The following CYFIP1 variants were observed in gnomAD, a reference collection of about 807,000 sequenced individuals.
CYFIP1 encodes the protein cytoplasmic FMR1 interacting protein 1.
In CYFIP1, 58 loss-of-function variants were observed where a neutral mutation model predicts 163.5. That is an observed-to-expected ratio of 0.35 (90% CI 0.29 to 0.44). CYFIP1 has a LOEUF of 0.44. Among genes scored for constraint, CYFIP1 ranks in the 20% least tolerant of loss-of-function variants. The probability of loss-of-function intolerance (pLI) is 1.00; values close to 1 mark genes in which losing one functional copy is unlikely to be tolerated. For missense variants in CYFIP1, 1,338 were observed against 1,653.8 expected, an observed-to-expected ratio of 0.81 and a Z score of 3.31; for synonymous variants, 663 against 660.7, an observed-to-expected ratio of 1.00 and a Z score of -0.05.
chr15:22,917,101 G>T lies in CYFIP1; in HGVS notation c.1675-471C>A. The T allele has an allele frequency of 6.8e-7, 1 of 1,461,808 alleles. No homozygotes were observed. 90.6% of individuals were successfully genotyped at this position (1,461,808 alleles called of 1,614,324 possible). A position where few individuals can be genotyped will look rare whatever the true frequency, so the allele number is the denominator to read the frequency against. On this transcript the variant is annotated intron_variant, in intron 15 of 30. Coordinates refer to ENST00000617928, the MANE Select transcript of CYFIP1 (RefSeq NM_014608.6). This position sits in a 1 kb window ranked among gnomAD's most constrained non-coding sequence, Gnocchi z 4.2. Reference sequence around the variant, plus strand: ...CACTCGACACACACACCCCAGGCAGGGACACGGGACGCACGCAGAGGGAGG... The same window carrying T: ...CACTCGACACACACACCCCAGGCAGTGACACGGGACGCACGCAGAGGGAGG...
intron 20 of CYFIP1, 131 bp downstream of exon 20, chr15:22,910,389 T>A (rs2142058421): frequency 1.5e-6 from 1 of 683,794 alleles, no homozygotes; most frequent in Non-Finnish European, 2.5e-6. Flanking sequence ...CTTGAACTCC[T>A]AACCTCAGGT....
At position 22,869,682 on chromosome 15, in the gene CYFIP1, C is replaced by T. The variant is rs1162954192; in HGVS notation, c.*346G>A. The T allele has an allele frequency of 1.7e-5, 3 of 174,720 alleles. No individual in the cohort carries two copies. The highest frequency in any genetic ancestry group is 1.9e-4 in the South Asian group (1 of 5,340). The allele number at this position is 174,720 out of a possible 1,614,324, so 10.8% of individuals were successfully genotyped here. ...AATAGTTACAGTTAATGGTAACTGG[C>T]AAGGGATTTAATGCATTTGCTGGTA... is the stretch of plus-strand genomic sequence containing the variant. On this transcript the variant is annotated 3_prime_UTR_variant, in exon 31 of 31. Transcript: ENST00000617928.
intron 24 of CYFIP1, 54 bp downstream of exon 24, chr15:22,882,814 G>C (rs2059804859): frequency 2.5e-6 from 4 of 1,577,958 alleles, no homozygotes; most frequent in Non-Finnish European, 2.6e-6. Flanking sequence ...CTCTGGCATG[G>C]GTGCCCCAGG....
At chr15:22,886,749 T>C (rs1476627720) in intron 23 of CYFIP1, among the ~76,000 whole-genome samples, 1 of 152,178 alleles carries the variant, frequency 6.6e-6, no homozygotes, top group Non-Finnish European at 1.5e-5. Context: ...AAAACGTATA[T>C]ATTCTGCTGT....
At chr15:22,950,736 G>A (rs1364310919) in intron 1 of CYFIP1, among the ~76,000 whole-genome samples, 4 of 152,214 alleles carry the variant, frequency 2.6e-5, no homozygotes, top group Non-Finnish European at 5.9e-5. Context: ...CAAGCTGTAT[G>A]TGCGACCCGC....
rs539605936 is a variant in CYFIP1 at position 22,937,604 on chromosome 15, GT to G, written c.796-397del. 4.4e-4 allele frequency among the ~76,000 whole-genome samples: 62 copies of G among 140,482 alleles called. No individual in the cohort carries two copies. The South Asian group carries it at 5.2e-3, about 12-fold the overall frequency. The allele number at this position is 140,482 out of a possible 152,430, so 92.2% of individuals were successfully genotyped here. ...TATGCAAACTAAAAATTCTTTTTTT[GT>G]TTTTTTTTTTTGAGATGGAGTCTGG... On this transcript the variant is annotated intron_variant, in intron 8 of 30. Transcript: ENST00000617928.
intron 1 of CYFIP1, among the ~76,000 whole-genome samples, chr15:22,955,693 C>T (rs929733385): frequency 2.0e-5 from 3 of 152,142 alleles, no homozygotes; most frequent in African/African-American, 7.2e-5. Flanking sequence ...GGTCTTTAAC[C>T]CATCTAGATG....
chr15:22,903,152 T>C (rs1045126435), intron 22 of CYFIP1, among the ~76,000 whole-genome samples: 7 of 152,116 alleles, frequency 4.6e-5, no homozygotes, highest in African/African-American at 1.7e-4. Context: ...GAAGGCATGG[T>C]GGGTGACACA....
intron 1 of CYFIP1, among the ~76,000 whole-genome samples, chr15:22,963,506 T>TAACATAACATAACATAACATAACATAA (rs1567038472): frequency 1.7e-5 from 2 of 118,566 alleles, no homozygotes; most frequent in Non-Finnish European, 1.9e-5. Context: ...TAACATAACA[T>TAACATAACATAACATAACATAACATAA]AACATAACAT....
chr15:22,874,394 A>C (rs1286687660), intron 28 of CYFIP1, among the ~76,000 whole-genome samples, 156 bp downstream of exon 28: 1 of 152,228 alleles, frequency 6.6e-6, no homozygotes. Context: ...CCAGGGAAGC[A>C]GTCCTGGTGC....
chr15:22,898,601 C>T (rs1410763929), intron 22 of CYFIP1, among the ~76,000 whole-genome samples: 1 of 152,044 alleles, frequency 6.6e-6, no homozygotes, highest in East Asian at 1.9e-4. Context: ...GCGGCATGAT[C>T]ACAGCTCACT....
At chr15:22,978,448 T>C (rs1387537066) in intron 1 of CYFIP1, among the ~76,000 whole-genome samples, 1 of 148,570 alleles carries the variant, frequency 6.7e-6, no homozygotes, top group Non-Finnish European at 1.5e-5. Context: ...TATATCAACA[T>C]GTAAAGATTG....
intron 22 of CYFIP1, among the ~76,000 whole-genome samples, chr15:22,895,998 C>G (rs559799033): frequency 6.6e-6 from 1 of 152,140 alleles, no homozygotes; most frequent in African/African-American, 2.4e-5. Context: ...CGTATTAGGG[C>G]ACGCCCAGTG....
chr15:22,935,155 T>C (rs1393967754), intron 9 of CYFIP1, among the ~76,000 whole-genome samples: 3 of 152,188 alleles, frequency 2.0e-5, no homozygotes, highest in Admixed American at 6.5e-5. Context: ...TCTGAGACTA[T>C]CCTGAAGGAC....
At chr15:22,926,870 G>A (rs552775653) in intron 12 of CYFIP1, among the ~76,000 whole-genome samples, 34 of 152,228 alleles carry the variant, frequency 2.2e-4, no homozygotes, top group Admixed American at 5.2e-4. Flanking sequence ...GGAAGAACTC[G>A]AATTTTTCTG....
In CYFIP1 at chr15:22,869,779, A is replaced by G. The variant is rs921021869; in HGVS notation, c.*249T>C. On this transcript the variant is annotated 3_prime_UTR_variant, in exon 31 of 31. Coordinates refer to ENST00000617928, the MANE Select transcript of CYFIP1 (RefSeq NM_014608.6). ...ACACAGCTGCCAGAACATCCCATAGAAAAACAATTTTGTAGGAACGTGATG... is the reference window on the plus strand; with the variant it reads ...ACACAGCTGCCAGAACATCCCATAGGAAAACAATTTTGTAGGAACGTGATG... 13 of 340,958 alleles carry G rather than the reference A, an allele frequency of 3.8e-5. No individual in the cohort carries two copies. Among genetic ancestry groups the G allele is most frequent in the Non-Finnish European group, 5.2e-5 (10 of 192,020 alleles). The allele number at this position is 340,958 out of a possible 1,614,324, so 21.1% of individuals were successfully genotyped here. A position where few individuals can be genotyped will look rare whatever the true frequency, so the allele number is the denominator to read the frequency against.
At chr15:22,916,400 G>A (rs2060982633) in intron 16 of CYFIP1, 77 bp downstream of exon 16, 1 of 1,126,138 alleles carries the variant, frequency 8.9e-7, no homozygotes, top group Non-Finnish European at 1.3e-6. Flanking sequence ...GGGTGGTCAG[G>A]CGGGCGGAAG....
intron 1 of CYFIP1, among the ~76,000 whole-genome samples, chr15:22,969,475 A>G (rs1459841391): frequency 6.6e-6 from 1 of 152,192 alleles, no homozygotes; most frequent in African/African-American, 2.4e-5. Context: ...ACCATGTTCT[A>G]AGAGGCTTTT....
At position 22,917,290 on chromosome 15, in the gene CYFIP1, A is replaced by G; in HGVS notation, c.1674+498T>C. Reference sequence around the variant, plus strand: ...AGACCAGCCCCAGGACGGAGGACAGACGCAGCGGTGTGGATTAAACCGGGT... The same window carrying G: ...AGACCAGCCCCAGGACGGAGGACAGGCGCAGCGGTGTGGATTAAACCGGGT... On this transcript the variant is annotated intron_variant, in intron 15 of 30. Coordinates refer to ENST00000617928, the MANE Select transcript of CYFIP1 (RefSeq NM_014608.6). The surrounding 1 kb of genome is among the most constrained non-coding windows in gnomAD (Gnocchi z 4.2). The G allele has an allele frequency of 7.3e-7, 1 of 1,362,498 alleles. No individual in the cohort carries two copies. Among genetic ancestry groups the G allele is most frequent in the Non-Finnish European group, 9.4e-7 (1 of 1,063,178 alleles). 84.4% of individuals were successfully genotyped at this position (1,362,498 alleles called of 1,614,324 possible). A position where few individuals can be genotyped will look rare whatever the true frequency, so the allele number is the denominator to read the frequency against.
Sources: allele counts gnomAD v4.1 joint callset (sites outside exome capture counted in the v4.1 genomes callset), GRCh38; gene constraint gnomAD v4.1.1; non-coding constraint Gnocchi (gnomAD v3.1); transcripts MANE v1.5; gene names NCBI Gene and HGNC (gene_info 2026-07-23, HGNC 2026-07-21).